The following TRPC3 variants were observed in gnomAD, a reference collection of about 807,000 sequenced individuals.
TRPC3 encodes the protein transient receptor potential cation channel subfamily C member 3, also known as short transient receptor potential channel 3.
In TRPC3, 54 loss-of-function variants were observed where a neutral mutation model predicts 90.9. The ratio of observed to expected loss-of-function variants is 0.59; its 90% CI spans 0.48 to 0.75. The LOEUF (loss-of-function observed/expected upper bound fraction) is 0.75, where lower values mean the gene tolerates loss of function less well. Ranked by LOEUF, TRPC3 falls within the 30% of genes least tolerant of loss-of-function variation. The pLI, the probability that TRPC3 is intolerant of heterozygous loss-of-function variation, is 0.00. For synonymous variants in TRPC3, 424 were observed against 450.9 expected (o/e 0.94, Z 0.75); for missense variants, 918 against 1,194.5 (o/e 0.77, Z 3.41).
At chr4:121,912,749 T>TA (rs1190805147) in intron 4 of TRPC3, among the ~76,000 whole-genome samples, 1 of 152,232 alleles carries the variant, frequency 6.6e-6, no homozygotes, top group Non-Finnish European at 1.5e-5. Context: ...CCCAGTTGGA[T>TA]AATCATGTAA....
At chr4:121,917,394 AC>A (rs1729355909) in intron 3 of TRPC3, among the ~76,000 whole-genome samples, 1 of 151,934 alleles carries the variant, frequency 6.6e-6, no homozygotes, top group Non-Finnish European at 1.5e-5. Flanking sequence ...TTCCTGCTTC[AC>A]CTCTCCCTCT....
chr4:121,879,926 T>A, intron 11 of TRPC3, 48 bp from the exon 12 acceptor site: 1 of 1,481,590 alleles, frequency 6.7e-7, no homozygotes, highest in Non-Finnish European at 9.0e-7. Flanking sequence ...TCTTTGGATT[T>A]AGAAATGAAC....
In TRPC3 at chr4:121,948,955, A is replaced by G. The variant is rs144999969; in HGVS notation, c.215+2511T>C. ...CCAGTCTCATTCCCACCTCTCCCTC[A>G]TGAGATTGTAAACTTCTTGAGTACA... is the stretch of plus-strand genomic sequence containing the variant. On this transcript the variant is annotated intron_variant, in intron 1 of 11. Transcript: ENST00000379645. Among the ~76,000 whole-genome samples the G allele has an allele frequency of 8.4e-4, 127 of 151,364 alleles. 2 individuals are homozygous for G. Among genetic ancestry groups the G allele is most frequent in the African/African-American group, 2.9e-3 (118 of 41,160 alleles).
chr4:121,948,337 G>A (rs898539452), intron 1 of TRPC3, among the ~76,000 whole-genome samples: 6 of 149,742 alleles, frequency 4.0e-5, no homozygotes, highest in Admixed American at 1.3e-4. Context: ...TGGATAGTGA[G>A]TTGCAAAATT....
chr4:121,906,912 TC>T (rs1728901658), intron 7 of TRPC3, among the ~76,000 whole-genome samples: 1 of 152,080 alleles, frequency 6.6e-6, no homozygotes, highest in Admixed American at 6.6e-5. Context: ...TTACTCGACT[TC>T]CTGTACCGAT....
intron 2 of TRPC3, among the ~76,000 whole-genome samples, chr4:121,928,763 A>G (rs111588559): frequency 0.012 from 1,892 of 152,292 alleles, 12 homozygotes; most frequent in Non-Finnish European, 0.019. Flanking sequence ...TCTTCATCAC[A>G]ATCTATCTAC....
At chr4:121,921,521 CAAAAAAAAAA>C (rs536564094) in intron 3 of TRPC3, among the ~76,000 whole-genome samples, 2 of 56,940 alleles carry the variant, frequency 3.5e-5, no homozygotes, top group African/African-American at 6.1e-5. Context: ...GACTCCGTCT[CAAAAAAAAAA>C]AAAAAAAAAA....
intron 2 of TRPC3, among the ~76,000 whole-genome samples, chr4:121,929,447 G>C (rs1016563239): frequency 2.2e-4 from 33 of 152,102 alleles, no homozygotes; most frequent in African/African-American, 8.0e-4. Context: ...GAAAATTTCA[G>C]TTTGCGTCCT....
At chr4:121,933,242 A>G (rs1029744445) in intron 1 of TRPC3, 200 bp from the exon 2 acceptor site, 14 of 1,150,144 alleles carry the variant, frequency 1.2e-5, no homozygotes, top group Non-Finnish European at 1.4e-5. Context: ...TAGATCCCAG[A>G]AGGAAGCCGG....
chr4:121,927,458 G>A (rs566221529), intron 2 of TRPC3, among the ~76,000 whole-genome samples: 148 of 152,248 alleles, frequency 9.7e-4, no homozygotes, highest in African/African-American at 3.3e-3. Flanking sequence ...AATGCTTGAG[G>A]AAAACAGAAT....
chr4:121,909,234 A>T (rs1028620572), intron 6 of TRPC3, among the ~76,000 whole-genome samples: 1 of 152,050 alleles, frequency 6.6e-6, no homozygotes, highest in Non-Finnish European at 1.5e-5. Flanking sequence ...GCTTAATTAC[A>T]TCTTATATTT....
chr4:121,930,178 G>A (rs964591195), intron 2 of TRPC3, among the ~76,000 whole-genome samples: 13 of 152,292 alleles, frequency 8.5e-5, no homozygotes, highest in African/African-American at 3.1e-4. Flanking sequence ...TGAGTTAGGG[G>A]AGAGAGACAT....
chr4:121,884,364 G>T (rs896390158), intron 10 of TRPC3, among the ~76,000 whole-genome samples: 1 of 152,170 alleles, frequency 6.6e-6, no homozygotes, highest in Non-Finnish European at 1.5e-5. Flanking sequence ...GTAGCAAGGT[G>T]CATATAAGTA....
intron 1 of TRPC3, among the ~76,000 whole-genome samples, chr4:121,935,239 G>T (rs564160339): frequency 1.1e-3 from 168 of 152,144 alleles, no homozygotes; most frequent in Admixed American, 5.1e-3. Flanking sequence ...TGACAAAAAT[G>T]TTAAAATGTA....
chr4:121,905,946 G>A (rs764747284), intron 7 of TRPC3, among the ~76,000 whole-genome samples: 13 of 151,928 alleles, frequency 8.6e-5, no homozygotes, highest in East Asian at 1.9e-4. Context: ...TTATTTAACC[G>A]TATCACAAAA....
At chr4:121,940,206 G>A (rs928003349) in intron 1 of TRPC3, among the ~76,000 whole-genome samples, 10 of 152,152 alleles carry the variant, frequency 6.6e-5, no homozygotes, top group Non-Finnish European at 1.0e-4. Flanking sequence ...CCTGCCAAAT[G>A]TAGAGCAAGC....
intron 10 of TRPC3, among the ~76,000 whole-genome samples, chr4:121,883,363 C>G (rs1421111114): frequency 6.6e-6 from 1 of 151,992 alleles, no homozygotes; most frequent in African/African-American, 2.4e-5. Context: ...AAGCCATAAA[C>G]TGGGAGAAAA....
chr4:121,948,307 C>A (rs565562647), intron 1 of TRPC3, among the ~76,000 whole-genome samples: 2 of 151,642 alleles, frequency 1.3e-5, no homozygotes, highest in South Asian at 4.2e-4. Flanking sequence ...TCTGATCCTG[C>A]TTTCTCTTTA....
intron 10 of TRPC3, among the ~76,000 whole-genome samples, chr4:121,884,122 A>C (rs1031433767): frequency 8.5e-5 from 13 of 152,336 alleles, no homozygotes; most frequent in Non-Finnish European, 1.8e-4. Flanking sequence ...GCCACACACA[A>C]CAGTGTGGAT....
Sources: gnomAD v4.1 joint callset for allele counts (sites outside exome capture counted in the v4.1 genomes callset) on GRCh38, gnomAD v4.1.1 for gene constraint, MANE v1.5 for transcripts, NCBI Gene and HGNC (gene_info 2026-07-23, HGNC 2026-07-21) for gene names.